The following UTRN variants were observed in gnomAD, a reference collection of about 807,000 sequenced individuals.
UTRN encodes utrophin, also known as dystrophin-related protein 1.
Under a neutral mutation model 463.9 loss-of-function variants are expected in UTRN, and 283 were observed. The ratio of observed to expected loss-of-function variants is 0.61; its 90% CI spans 0.55 to 0.67. UTRN has a LOEUF of 0.67. Among genes scored for constraint, UTRN ranks in the 30% least tolerant of loss-of-function variants. The pLI, the probability that UTRN is intolerant of heterozygous loss-of-function variation, is 0.00. For missense variants in UTRN, 3,922 were observed against 4,084.3 expected, an observed-to-expected ratio of 0.96 and a Z score of 1.08; for synonymous variants, 1,442 against 1,431.5, an observed-to-expected ratio of 1.01 and a Z score of -0.17.
chr6:144,604,075 T>G (rs1223101951), intron 51 of UTRN, among the ~76,000 whole-genome samples: 1 of 152,196 alleles, frequency 6.6e-6, no homozygotes, highest in Non-Finnish European at 1.5e-5. Flanking sequence ...TAGATACTGT[T>G]TTACATTTGA....
intron 43 of UTRN, 86 bp downstream of exon 43, chr6:144,533,346 A>G (rs1797232094): frequency 6.6e-7 from 1 of 1,517,284 alleles, no homozygotes; most frequent in Non-Finnish European, 8.8e-7. Context: ...GAGTTCTTTT[A>G]TTGTTTGACA....
At chr6:144,593,650 C>T (rs1803348089) in intron 51 of UTRN, among the ~76,000 whole-genome samples, 1 of 152,148 alleles carries the variant, frequency 6.6e-6, no homozygotes, top group Non-Finnish European at 1.5e-5. Context: ...CTTAGGCTGC[C>T]TGTCTCCAGA....
chr6:144,451,629 T>C (rs1020815180), intron 18 of UTRN, 136 bp downstream of exon 18: 2 of 1,081,976 alleles, frequency 1.8e-6, no homozygotes, highest in African/African-American at 3.2e-5. Context: ...TTTTAGTACA[T>C]TGTAGTGAAT....
intron 2 of UTRN, among the ~76,000 whole-genome samples, chr6:144,340,466 C>T (rs1464499186): frequency 6.6e-6 from 1 of 152,274 alleles, no homozygotes; most frequent in Non-Finnish European, 1.5e-5. Context: ...TATATTTCCT[C>T]CGTGGAGAGA....
At chr6:144,562,518 A>G (rs1163702689) in intron 50 of UTRN, among the ~76,000 whole-genome samples, 1 of 152,122 alleles carries the variant, frequency 6.6e-6, no homozygotes, top group Non-Finnish European at 1.5e-5. Context: ...TCCATGTCCC[A>G]GCAAAGGACA....
chr6:144,520,370 G>A (rs948447744), intron 39 of UTRN, among the ~76,000 whole-genome samples: 1 of 151,894 alleles, frequency 6.6e-6, no homozygotes, highest in African/African-American at 2.4e-5. Context: ...CTGGTTTCTG[G>A]GTAGATATGT....
intron 54 of UTRN, among the ~76,000 whole-genome samples, chr6:144,735,549 A>C (rs1789287943): frequency 6.6e-6 from 1 of 152,202 alleles, no homozygotes; most frequent in Admixed American, 6.5e-5. Flanking sequence ...TTCATACAAC[A>C]AGAAAGAAGG....
intron 52 of UTRN, among the ~76,000 whole-genome samples, chr6:144,685,554 G>T (rs192266236): frequency 6.6e-6 from 1 of 152,026 alleles, no homozygotes; most frequent in African/African-American, 2.4e-5. Flanking sequence ...AATAATGGCC[G>T]TTCTGGTCAG....
intron 33 of UTRN, among the ~76,000 whole-genome samples, chr6:144,497,063 G>T (rs1284589457): frequency 2.0e-5 from 3 of 152,178 alleles, no homozygotes; most frequent in Admixed American, 6.5e-5. Flanking sequence ...GTCTTAAGCA[G>T]TTACTGCACA....
Position 144,286,017 on chromosome 6 carries a change from G to C in UTRN, c.-93+196G>C, listed in dbSNP as rs1334218813. 6.6e-6 allele frequency among the ~76,000 whole-genome samples: 1 copy of C among 152,220 alleles called. No individual in the cohort carries two copies. Among genetic ancestry groups the C allele is most frequent in the Non-Finnish European group, 1.5e-5 (1 of 68,038 alleles). On this transcript the variant is annotated intron_variant, in intron 1 of 74. Transcript: ENST00000367545. The surrounding 1 kb of genome is among the most constrained non-coding windows in gnomAD (Gnocchi z 4.4). The stretch of plus-strand genomic sequence containing the variant: ...GCCCTTTCCTCGGGGCCTCAGTTTA[G>C]CTCCCCGCGGTGCGAGAGAGAATGC...
At chr6:144,843,205 A>G (rs1781743144) in intron 73 of UTRN, among the ~76,000 whole-genome samples, 2 of 152,258 alleles carry the variant, frequency 1.3e-5, no homozygotes, top group East Asian at 3.9e-4. Context: ...TTATTTAAAT[A>G]TCATGGACAT....
At chr6:144,481,454 G>A (rs949232557) in intron 26 of UTRN, among the ~76,000 whole-genome samples, 3 of 152,152 alleles carry the variant, frequency 2.0e-5, no homozygotes, top group African/African-American at 7.2e-5. Flanking sequence ...GGATACATGT[G>A]CCTATGTTCT....
At chr6:144,540,634 G>T (rs1457434813) in intron 45 of UTRN, among the ~76,000 whole-genome samples, 1 of 152,092 alleles carries the variant, frequency 6.6e-6, no homozygotes, top group Non-Finnish European at 1.5e-5. Flanking sequence ...TCCCTTCTGT[G>T]CCTTAATATA....
intron 34 of UTRN, among the ~76,000 whole-genome samples, chr6:144,507,436 T>C (rs4521608): frequency 0.029 from 4,349 of 152,224 alleles, 207 homozygotes; most frequent in African/African-American, 0.1. Flanking sequence ...TTGGTGACCT[T>C]CGAATGGGGT....
intron 59 of UTRN, among the ~76,000 whole-genome samples, chr6:144,773,060 T>C (rs532985501): frequency 6.6e-6 from 1 of 151,870 alleles, no homozygotes; most frequent in Non-Finnish European, 1.5e-5. Context: ...GTTTGTAAAA[T>C]GAGGGGGCAA....
intron 61 of UTRN, among the ~76,000 whole-genome samples, chr6:144,783,261 C>CTATT (rs1776012490): frequency 6.6e-6 from 1 of 151,728 alleles, no homozygotes; most frequent in East Asian, 1.9e-4. Context: ...AAGTTATTAT[C>CTATT]TATTAATTAG....
At chr6:144,827,164 C>G (rs559220902) in intron 66 of UTRN, among the ~76,000 whole-genome samples, 184 bp from the exon 67 acceptor site, 2 of 152,156 alleles carry the variant, frequency 1.3e-5, no homozygotes, top group Non-Finnish European at 2.9e-5. Context: ...CTTGAATACA[C>G]GGCGACTTCT....
At chr6:144,819,911 C>T (rs377408087) in intron 65 of UTRN, among the ~76,000 whole-genome samples, 7 of 118,628 alleles carry the variant, frequency 5.9e-5, no homozygotes, top group African/African-American at 2.7e-4. Flanking sequence ...TCCTCCTCCT[C>T]CTCTCTCTCT....
chr6:144,338,320 C>T (rs533249108), intron 2 of UTRN, among the ~76,000 whole-genome samples: 1 of 151,920 alleles, frequency 6.6e-6, no homozygotes, highest in South Asian at 2.1e-4. Context: ...AATTTCCTAG[C>T]TGGACACAAA....
Sources: gnomAD v4.1 joint callset for allele counts (sites outside exome capture counted in the v4.1 genomes callset) on GRCh38, gnomAD v4.1.1 for gene constraint, Gnocchi (gnomAD v3.1) non-coding constraint, MANE v1.5 for transcripts, NCBI Gene and HGNC (gene_info 2026-07-23, HGNC 2026-07-21) for gene names.